Variants in CCDC50 observed in about 807,000 individuals in gnomAD.
The protein encoded by CCDC50 is coiled-coil domain-containing protein 50.
Under a neutral mutation model 70.2 loss-of-function variants are expected in CCDC50, and 54 were observed. The observed-to-expected ratio is 0.77, with a 90% CI of 0.62 to 0.96. The LOEUF is 0.96. Ranked by LOEUF, CCDC50 falls within the 50% of genes least tolerant of loss-of-function variation. The probability of loss-of-function intolerance (pLI) is 0.00; values close to 1 mark genes in which losing one functional copy is unlikely to be tolerated. For synonymous variants in CCDC50, 216 were observed against 198.8 expected, an observed-to-expected ratio of 1.09 and a Z score of -0.73; for missense variants, 558 against 578.7, an observed-to-expected ratio of 0.96 and a Z score of 0.37.
intron 1 of CCDC50, among the ~76,000 whole-genome samples, chr3:191,337,357 T>C (rs1711555749): frequency 6.6e-6 from 1 of 152,156 alleles, no homozygotes; most frequent in Non-Finnish European, 1.5e-5. Context: ...ATTTTTGAAG[T>C]GACTTTAAAA....
intron 1 of CCDC50, among the ~76,000 whole-genome samples, chr3:191,340,683 T>C (rs116479087): frequency 4.9e-4 from 74 of 152,358 alleles, no homozygotes; most frequent in Non-Finnish European, 8.4e-4. Flanking sequence ...TTAAACATTT[T>C]AGACATTCTG....
At chr3:191,356,939 C>T in intron 1 of CCDC50, 149 bp from the exon 2 acceptor site, 2 of 685,582 alleles carry the variant, frequency 2.9e-6, no homozygotes, top group Non-Finnish European at 5.2e-6. Flanking sequence ...CTTAACTAGT[C>T]ACTATTTTAT....
rs10635756 is a variant in CCDC50 at position 191,389,853 on chromosome 3, C to CTTTTTTTTT, written c.1429+268_1429+276dup. Among the ~76,000 whole-genome samples, 15 of 84,642 alleles carry CTTTTTTTTT rather than the reference C, an allele frequency of 1.8e-4. 1 individual carries two copies. The highest frequency in any genetic ancestry group is 4.2e-4 in the East Asian group (1 of 2,404). The allele number at this position is 84,642 out of a possible 152,430, so 55.5% of individuals were successfully genotyped here. On this transcript the variant is annotated intron_variant, in intron 11 of 11. Transcript: ENST00000392455. ...GAGCACAACGCTTTCATCAAATTCA[C>CTTTTTTTTT]TTTTTTTTTTTTTTTTTTTTTTTTT...
chr3:191,380,032 T>G, intron 6 of CCDC50, 127 bp from the exon 7 acceptor site: 1 of 673,336 alleles, frequency 1.5e-6, no homozygotes, highest in Middle Eastern at 3.8e-4. Flanking sequence ...CACACTGTAT[T>G]CTGGAGTAGA....
At chr3:191,335,543 C>T (rs1431454593) in intron 1 of CCDC50, among the ~76,000 whole-genome samples, 2 of 152,026 alleles carry the variant, frequency 1.3e-5, no homozygotes, top group Admixed American at 1.3e-4. Flanking sequence ...CGCAAGAGTT[C>T]TCAGATATTG....
At position 191,392,696 on chromosome 3, in the gene CCDC50, T is replaced by G. The variant is rs1281678266; in HGVS notation, c.*936T>G. 6.6e-6 allele frequency: 1 copy of G among 152,254 alleles called. No homozygotes were observed. Among genetic ancestry groups the G allele is most frequent in the African/African-American group, 2.4e-5 (1 of 41,458 alleles). The allele number at this position is 152,254 out of a possible 1,614,324, so 9.4% of individuals were successfully genotyped here. ...TAAATTAATTCAACATGAAGTTGAATTTGATGAAGTGGTCATCTATCCAAG... is the reference window on the plus strand; with the variant it reads ...TAAATTAATTCAACATGAAGTTGAAGTTGATGAAGTGGTCATCTATCCAAG... On this transcript the variant is annotated 3_prime_UTR_variant, in exon 12 of 12. Transcript: ENST00000392455.
rs4677631 is a variant in CCDC50 at position 191,369,650 on chromosome 3, C to A, written c.331-269C>A. 0.32 allele frequency among the ~76,000 whole-genome samples: 48,310 copies of A among 151,980 alleles called. 7,686 individuals are homozygous for A. Among genetic ancestry groups the A allele is most frequent in the Non-Finnish European group, 0.33 (22,089 of 67,954 alleles). On this transcript the variant is annotated intron_variant, in intron 4 of 11. Coordinates refer to ENST00000392455, the MANE Select transcript of CCDC50 (RefSeq NM_178335.3). ...ATATTTTTAAAATTCTGTTGTGTAA[C>A]CTGCTTTAGGAAGTACTGAGTTTTG...
In CCDC50 at chr3:191,375,113, C is replaced by T. The variant is rs761255261; in HGVS notation, c.500C>T (p.Pro167Leu). ...ARELGSGFSR[P>L]CRLQRDGKTV... The stretch of plus-strand genomic sequence containing the variant: ...GAATTGGGTTCTGGATTCTCAAGAC[C>T]TTGTAGACTCCAAAGAGATGGAAAG... The change falls in exon 6 of 12, where the codon CCT becomes CTT. Residue 167 changes from proline (P) to leucine (L), a missense_variant. By Grantham distance (98) the Pro-to-Leu change is moderately conservative. Transcript: ENST00000392455. The T allele has an allele frequency of 1.2e-6, 2 of 1,613,554 alleles. No individual in the cohort carries two copies. The highest frequency in any genetic ancestry group is 1.7e-6 in the Non-Finnish European group (2 of 1,179,716).
chr3:191,373,343 A>T (rs2108661441), intron 5 of CCDC50, among the ~76,000 whole-genome samples: 1 of 152,284 alleles, frequency 6.6e-6, no homozygotes, highest in East Asian at 1.9e-4. Flanking sequence ...AAATGTAGTA[A>T]CAGCTCTGTA....
Position 191,382,732 on chromosome 3 carries a change from AT to A in CCDC50, c.1243-9del. ...GTGTTATTTTTGTTTGTTTGTTTGT[AT>A]TTTTGTCCATAGCCAAAAACAGCTA... is the stretch of plus-strand genomic sequence containing the variant. On this transcript the variant is annotated splice_polypyrimidine_tract_variant and intron_variant, in intron 9 of 11. Coordinates refer to ENST00000392455, the MANE Select transcript of CCDC50 (RefSeq NM_178335.3). The A allele has an allele frequency of 6.4e-7, 1 of 1,565,714 alleles. No homozygotes were observed. Among genetic ancestry groups the A allele is most frequent in the Non-Finnish European group, 8.8e-7 (1 of 1,137,348 alleles).
rs1463228852 is a variant in CCDC50 at position 191,329,527 on chromosome 3, G to T, written c.-148G>T. 16 of 660,948 alleles carry T rather than the reference G, an allele frequency of 2.4e-5. No individual in the cohort carries two copies. The highest frequency in any genetic ancestry group is 3.8e-5 in the Non-Finnish European group (16 of 419,206). The allele number at this position is 660,948 out of a possible 1,614,324, so 40.9% of individuals were successfully genotyped here. ...CTGCTTTGGTCACCAGCCCCTGCCCGCCCGACCCGCTCCGTTCTCCGGCCT... is the reference window on the plus strand; with the variant it reads ...CTGCTTTGGTCACCAGCCCCTGCCCTCCCGACCCGCTCCGTTCTCCGGCCT... On this transcript the variant is annotated 5_prime_UTR_variant, in exon 1 of 12. Coordinates refer to ENST00000392455, the MANE Select transcript of CCDC50 (RefSeq NM_178335.3).
intron 1 of CCDC50, among the ~76,000 whole-genome samples, chr3:191,333,607 A>AAG (rs1283305594): frequency 2.0e-5 from 3 of 152,174 alleles, no homozygotes; most frequent in Non-Finnish European, 4.4e-5. Flanking sequence ...TTTATGTCTT[A>AAG]GTTATCTTGC....
chr3:191,372,094 T>C (rs1012262612), intron 5 of CCDC50, among the ~76,000 whole-genome samples: 3 of 152,188 alleles, frequency 2.0e-5, no homozygotes. Flanking sequence ...CTCAAACCTG[T>C]TTTTTTGATC....
chr3:191,353,520 G>C (rs1576955879), intron 1 of CCDC50, among the ~76,000 whole-genome samples: 1 of 141,372 alleles, frequency 7.1e-6, no homozygotes, highest in East Asian at 1.9e-4. Context: ...GAAGGCAGAG[G>C]AGGTTAGAAA....
chr3:191,380,890 G>A lies in CCDC50; in HGVS notation c.1200G>A (p.Glu400=). The change falls in exon 9 of 12, where the codon GAG becomes GAA. Residue 400 remains glutamate (E), a synonymous_variant. Coordinates refer to ENST00000392455, the MANE Select transcript of CCDC50 (RefSeq NM_178335.3). ...KKAYKKAKER[E]KSSLDKRKQD... ...CTTACAAAAAAGCCAAGGAGCGGGA[G>A]AAATCATCTTTGGACAAAAGAAAGC... 6.2e-7 allele frequency: 1 copy of A among 1,612,938 alleles called. No homozygotes were observed. The highest frequency in any genetic ancestry group is 8.5e-7 in the Non-Finnish European group (1 of 1,179,230).
intron 1 of CCDC50, among the ~76,000 whole-genome samples, chr3:191,340,675 A>C (rs1028493375): frequency 6.6e-6 from 1 of 152,214 alleles, no homozygotes; most frequent in African/African-American, 2.4e-5. Context: ...GGAGCTTATT[A>C]AACATTTTAG....
At chr3:191,340,191 G>T in intron 1 of CCDC50, among the ~76,000 whole-genome samples, 1 of 152,170 alleles carries the variant, frequency 6.6e-6, no homozygotes, top group East Asian at 1.9e-4. Context: ...GATTTGGAAG[G>T]TGACTTGTCA....
chr3:191,397,867 G>A lies in CCDC50; in HGVS notation c.*6107G>A, dbSNP rs1576981899. Reference sequence around the variant, plus strand: ...TCGTGGAATTGAACAGAACCTTGATGGAATGCAGTTGCCTGTGTGAGGACA... The same window carrying A: ...TCGTGGAATTGAACAGAACCTTGATAGAATGCAGTTGCCTGTGTGAGGACA... On this transcript the variant is annotated 3_prime_UTR_variant, in exon 12 of 12. Coordinates refer to ENST00000392455, the MANE Select transcript of CCDC50 (RefSeq NM_178335.3). 6.6e-6 allele frequency: 1 copy of A among 152,330 alleles called. No homozygotes were observed. The highest frequency in any genetic ancestry group is 1.9e-4 in the East Asian group (1 of 5,188). 9.4% of individuals were successfully genotyped at this position (152,330 alleles called of 1,614,324 possible).
At position 191,367,944 on chromosome 3, in the gene CCDC50, T is replaced by C. The variant is rs1030732236; in HGVS notation, c.331-1975T>C. Among the ~76,000 whole-genome samples the C allele has an allele frequency of 5.9e-5, 9 of 152,022 alleles. No individual in the cohort carries two copies. In the East Asian group the frequency reaches 1.7e-3, roughly 29 times the overall value. ...TCTGTCCCGTTCCTCTCTTCCTGAT[T>C]GATAGATTACTTTGTAAGATATTAA... On this transcript the variant is annotated intron_variant, in intron 4 of 11. Transcript: ENST00000392455.
Sources: allele counts gnomAD v4.1 joint callset (sites outside exome capture counted in the v4.1 genomes callset), GRCh38; gene constraint gnomAD v4.1.1; transcripts MANE v1.5; gene names NCBI Gene and HGNC (gene_info 2026-07-23, HGNC 2026-07-21).